The following NDUFV2 variants were observed in gnomAD, a reference collection of about 807,000 sequenced individuals.
NDUFV2 encodes NADH:ubiquinone oxidoreductase core subunit V2.
Under a neutral mutation model 31.6 loss-of-function variants are expected in NDUFV2, and 18 were observed. The ratio of observed to expected loss-of-function variants is 0.57; its 90% CI spans 0.39 to 0.84. NDUFV2 has a LOEUF of 0.84. Among genes scored for constraint, NDUFV2 ranks in the 40% least tolerant of loss-of-function variants. NDUFV2 has a pLI of 0.00. For missense variants in NDUFV2, 314 were observed against 303.6 expected, an observed-to-expected ratio of 1.03 and a Z score of -0.26; for synonymous variants, 83 against 99.8, an observed-to-expected ratio of 0.83 and a Z score of 1.01.
chr18:9,113,044 T>C (rs759688063), intron 1 of NDUFV2, among the ~76,000 whole-genome samples: 1 of 152,200 alleles, frequency 6.6e-6, no homozygotes, highest in Non-Finnish European at 1.5e-5. Context: ...ACTCTACATA[T>C]GGAGAGACAA....
chr18:9,104,249 T>C, intron 1 of NDUFV2: 1 of 1,612,616 alleles, frequency 6.2e-7, no homozygotes, highest in South Asian at 1.1e-5. Flanking sequence ...CCAAATGAAA[T>C]AAGGGAGAGA....
chr18:9,110,698 G>A (rs1019223072), intron 1 of NDUFV2, among the ~76,000 whole-genome samples: 3 of 152,170 alleles, frequency 2.0e-5, no homozygotes, highest in African/African-American at 7.2e-5. Context: ...TGTAGAGACA[G>A]GGTTTCACCA....
In NDUFV2 at chr18:9,124,945, G is replaced by A; in HGVS notation, c.541G>A (p.Val181Met). 1.9e-6 allele frequency: 3 copies of A among 1,613,702 alleles called. No homozygotes were observed. Among genetic ancestry groups the A allele is most frequent in the Non-Finnish European group, 1.7e-6 (2 of 1,179,794 alleles). Residue 181 changes from valine to methionine, a missense_variant, in exon 6 of 8, where the codon GTG becomes ATG. Transcript: ENST00000318388. The stretch of plus-strand genomic sequence containing the variant: ...AGAAGTGGAATGTTTAGGGGCCTGT[G>A]TGAACGCACCAATGGTTCAAATAAA... ...LIEVECLGAC[V>M]NAPMVQINDN...
At chr18:9,117,975 A>G in intron 2 of NDUFV2, 72 bp downstream of exon 2, 2 of 944,424 alleles carry the variant, frequency 2.1e-6, no homozygotes, top group Non-Finnish European at 3.5e-6. Flanking sequence ...TAAAAATCCA[A>G]AATATCTTAA....
At chr18:9,113,868 A>G (rs1389048605) in intron 1 of NDUFV2, among the ~76,000 whole-genome samples, 1 of 152,168 alleles carries the variant, frequency 6.6e-6, no homozygotes, top group Admixed American at 6.5e-5. Context: ...GTTGGAGACA[A>G]GAGTCTTGCC....
intron 5 of NDUFV2, among the ~76,000 whole-genome samples, chr18:9,123,549 G>A (rs181124882): frequency 6.9e-4 from 105 of 151,934 alleles, no homozygotes; most frequent in Non-Finnish European, 1.3e-3. Flanking sequence ...GCAGTGGCTG[G>A]ATCATGGCTC....
chr18:9,107,922 GAT>G (rs1359000143), intron 1 of NDUFV2, among the ~76,000 whole-genome samples: 1 of 152,114 alleles, frequency 6.6e-6, no homozygotes, highest in East Asian at 1.9e-4. Flanking sequence ...TGTAAGTTGA[GAT>G]AATGCTGTAG....
In NDUFV2 at chr18:9,122,563, T is replaced by A; in HGVS notation, c.351T>A (p.Thr117=). Residue 117 remains threonine, a synonymous_variant, in exon 5 of 8, where the codon ACT becomes ACA. Transcript: ENST00000318388. ...VPPMRVYEVA[T]FYTMYNRKPV... ...CAATGAGAGTATATGAAGTAGCAAC[T>A]TTTTATACAATGTATAATCGAAAGC... 1 of 1,614,046 alleles carries A rather than the reference T, an allele frequency of 6.2e-7. No individual in the cohort carries two copies. The highest frequency in any genetic ancestry group is 1.1e-5 in the South Asian group (1 of 91,078).
At chr18:9,120,945 TG>T (rs2077930791) in intron 4 of NDUFV2, among the ~76,000 whole-genome samples, 1 of 152,096 alleles carries the variant, frequency 6.6e-6, no homozygotes, top group South Asian at 2.1e-4. Context: ...AATAAGAAAC[TG>T]AAAGTGAAAA....
At chr18:9,102,964 T>G in intron 1 of NDUFV2, 167 bp downstream of exon 1, 2 of 621,606 alleles carry the variant, frequency 3.2e-6, no homozygotes, top group East Asian at 3.3e-5. Flanking sequence ...AGCCCCACCG[T>G]GAGAAGCCCC....
Position 9,119,521 on chromosome 18 carries a change from A to G in NDUFV2, c.231A>G (p.Ala77=). Residue 77 remains alanine (A), a synonymous_variant, in exon 4 of 8, where the codon GCA becomes GCG. Coordinates refer to ENST00000318388, the MANE Select transcript of NDUFV2 (RefSeq NM_021074.5). ...VKNYPEGHKA[A]AVLPVLDLAQ... ...ACTATCCAGAAGGCCATAAAGCAGC[A>G]GCTGTTCTTCCAGTCCTGGATTTAG... is the stretch of plus-strand genomic sequence containing the variant. 1 of 1,613,942 alleles carries G rather than the reference A, an allele frequency of 6.2e-7. No individual in the cohort carries two copies. The highest frequency in any genetic ancestry group is 8.5e-7 in the Non-Finnish European group (1 of 1,179,896).
Position 9,134,267 on chromosome 18 carries a change from A to C in NDUFV2, c.738A>C (p.Gln246His), listed in dbSNP as rs1472210121. ...CCAAGGGACCTGGATTTGGTGTACA[A>C]GCAGGCCTTTAATTTATATTGAACT... ...EPPKGPGFGV[Q>H]AGL Residue 246 changes from glutamine (Q) to histidine (H), a missense_variant, in exon 8 of 8, where the codon CAA becomes CAC. Transcript: ENST00000318388. The C allele has an allele frequency of 6.2e-7, 1 of 1,610,984 alleles. No individual in the cohort carries two copies. The highest frequency in any genetic ancestry group is 1.3e-5 in the African/African-American group (1 of 74,866).
chr18:9,103,802 A>G (rs1022514018), intron 1 of NDUFV2: 5 of 176,848 alleles, frequency 2.8e-5, no homozygotes, highest in Admixed American at 1.9e-4. Context: ...TTGAAGTCTT[A>G]CTGTACGTCA....
intron 7 of NDUFV2, among the ~76,000 whole-genome samples, chr18:9,132,784 A>G (rs1437934211): frequency 6.6e-6 from 1 of 152,218 alleles, no homozygotes; most frequent in African/African-American, 2.4e-5. Context: ...CTGAGGTGAC[A>G]GAAGCACCTG....
chr18:9,103,365 G>C (rs574200391), intron 1 of NDUFV2: 2 of 381,534 alleles, frequency 5.2e-6, no homozygotes, highest in East Asian at 3.8e-5. Flanking sequence ...GCAAATAACA[G>C]CACCCAATTA....
intron 1 of NDUFV2, chr18:9,112,849 G>A (rs1241669077): frequency 6.6e-6 from 1 of 152,110 alleles, no homozygotes; most frequent in Admixed American, 6.6e-5. Flanking sequence ...CAGTAAGCAA[G>A]GCTACATATT....
At chr18:9,114,312 A>G (rs1040912622) in intron 1 of NDUFV2, among the ~76,000 whole-genome samples, 1 of 152,186 alleles carries the variant, frequency 6.6e-6, no homozygotes, top group Admixed American at 6.5e-5. Context: ...ATATGGATAT[A>G]AAGAAAAAAT....
At chr18:9,117,664 C>T in intron 1 of NDUFV2, 174 bp from the exon 2 acceptor site, 1 of 556,328 alleles carries the variant, frequency 1.8e-6, no homozygotes, top group Non-Finnish European at 3.2e-6. Context: ...CTTTGAATCT[C>T]CATTTGTAAA....
chr18:9,114,677 C>T (rs1463875077), intron 1 of NDUFV2, among the ~76,000 whole-genome samples: 1 of 152,122 alleles, frequency 6.6e-6, no homozygotes, highest in Non-Finnish European at 1.5e-5. Context: ...AATCTAAACC[C>T]AAGGCCTCAA....
Sources: gnomAD v4.1 joint callset for allele counts (sites outside exome capture counted in the v4.1 genomes callset) on GRCh38, gnomAD v4.1.1 for gene constraint, MANE v1.5 for transcripts, NCBI Gene and HGNC (gene_info 2026-07-23, HGNC 2026-07-21) for gene names.